FGD3: variants seen among roughly 807,000 people sequenced by gnomAD.
The protein encoded by FGD3 is FYVE, RhoGEF and PH domain containing 3.
Under a neutral mutation model 71.8 loss-of-function variants are expected in FGD3, and 45 were observed. The observed-to-expected ratio is 0.63, with a 90% CI of 0.49 to 0.80. FGD3 has a LOEUF of 0.80. Among genes scored for constraint, FGD3 ranks in the 30% least tolerant of loss-of-function variants. FGD3 has a pLI of 0.00. For synonymous variants in FGD3, 378 were observed against 392.8 expected (o/e 0.96, Z 0.44); for missense variants, 844 against 951.5 (o/e 0.89, Z 1.49).
chr9:92,971,582 T>A (rs1244133244), intron 1 of FGD3, among the ~76,000 whole-genome samples: 1 of 135,458 alleles, frequency 7.4e-6, no homozygotes, highest in African/African-American at 2.8e-5. Context: ...TTTTTTTTTT[T>A]TTTTTTTTTT....
chr9:93,034,678 C>T lies in FGD3; in HGVS notation c.1923C>T (p.Ser641=). 1 of 1,612,270 alleles carries T rather than the reference C, an allele frequency of 6.2e-7. No individual in the cohort carries two copies. Among genetic ancestry groups the T allele is most frequent in the Middle Eastern group, 1.7e-4 (1 of 6,048 alleles). Residue 641 remains serine, a synonymous_variant, in exon 17 of 18, where the codon AGC becomes AGT. Coordinates refer to ENST00000375482, the MANE Select transcript of FGD3 (RefSeq NM_001083536.2). ...DPQVLHLQGG[S]QDGRLPRTIP... ...AGGTGCTGCACCTGCAGGGAGGCAGCCAGGTACGTGTCCCCACCCCACCAG... is the reference window on the plus strand; with the variant it reads ...AGGTGCTGCACCTGCAGGGAGGCAGTCAGGTACGTGTCCCCACCCCACCAG...
Position 92,976,476 on chromosome 9 carries a change from C to A in FGD3, c.220C>A (p.Arg74=). ...ELSGSLKIPN[R]DSGIDSPSSS... ...GAGTGGTAGCTTAAAGATCCCCAAC[C>A]GGGACAGCGGGATCGACAGTCCCTC... The change falls in exon 3 of 18, where the codon CGG becomes AGG. Residue 74 remains arginine, a synonymous_variant. Transcript: ENST00000375482. 1.9e-6 allele frequency: 3 copies of A among 1,611,834 alleles called. No individual in the cohort carries two copies. Among genetic ancestry groups the A allele is most frequent in the Non-Finnish European group, 2.5e-6 (3 of 1,179,488 alleles).
chr9:93,018,442 C>T (rs1321965679), intron 11 of FGD3, among the ~76,000 whole-genome samples: 1 of 152,168 alleles, frequency 6.6e-6, no homozygotes, highest in Non-Finnish European at 1.5e-5. Flanking sequence ...GATGGGAACT[C>T]AGTCTCAAAT....
At chr9:92,998,917 G>A (rs975997679) in intron 3 of FGD3, among the ~76,000 whole-genome samples, 1 of 152,202 alleles carries the variant, frequency 6.6e-6, no homozygotes, top group African/African-American at 2.4e-5. Context: ...CTACTCGGGG[G>A]TCAGGGACCC....
intron 15 of FGD3, chr9:93,032,522 A>G (rs1862393687): frequency 4.2e-6 from 2 of 472,850 alleles, no homozygotes; most frequent in Non-Finnish European, 7.7e-6. Flanking sequence ...CACGCACACA[A>G]GACTCCTGGA....
At position 93,035,861 on chromosome 9, in the gene FGD3, C is replaced by A. The variant is rs1862581063; in HGVS notation, c.*272C>A. 1 of 459,052 alleles carries A rather than the reference C, an allele frequency of 2.2e-6. No individual in the cohort carries two copies. The highest frequency in any genetic ancestry group is 3.8e-6 in the Non-Finnish European group (1 of 260,094). 28.4% of individuals were successfully genotyped at this position (459,052 alleles called of 1,614,324 possible). A position where few individuals can be genotyped will look rare whatever the true frequency, so the allele number is the denominator to read the frequency against. Reference sequence around the variant, plus strand: ...GGCCGACTGCCAAAGTAACCATCATCCATATGGGCCGTGTGGTGATGCTGG... The same window carrying A: ...GGCCGACTGCCAAAGTAACCATCATACATATGGGCCGTGTGGTGATGCTGG... On this transcript the variant is annotated 3_prime_UTR_variant, in exon 18 of 18. Coordinates refer to ENST00000375482, the MANE Select transcript of FGD3 (RefSeq NM_001083536.2).
chr9:93,020,303 G>A lies in FGD3; in HGVS notation c.1387-14G>A. Reference sequence around the variant, plus strand: ...GCCCCTTTATAGTCCTCACTGTTGTGTTGCTGTGTCCAGATCATCCAGGCC... The same window carrying A: ...GCCCCTTTATAGTCCTCACTGTTGTATTGCTGTGTCCAGATCATCCAGGCC... On this transcript the variant is annotated splice_polypyrimidine_tract_variant and intron_variant, in intron 12 of 17. Transcript: ENST00000375482. 7.5e-6 allele frequency: 12 copies of A among 1,605,258 alleles called. No homozygotes were observed. The highest frequency in any genetic ancestry group is 1.0e-5 in the Non-Finnish European group (12 of 1,175,924).
At chr9:93,008,070 A>C (rs1281249822) in intron 6 of FGD3, among the ~76,000 whole-genome samples, 3 of 152,234 alleles carry the variant, frequency 2.0e-5, no homozygotes, top group Non-Finnish European at 4.4e-5. Context: ...AATAACTTTA[A>C]ACCTTTACAG....
rs577215749 is a variant in FGD3, at chr9:92,976,731, C to G, written c.453+22C>G. The G allele has an allele frequency of 1.8e-5, 28 of 1,538,422 alleles. No homozygotes were observed. In the Admixed American group the frequency reaches 5.6e-4, roughly 31 times the overall value. Reference sequence around the variant, plus strand: ...CCAGGTAGGCTTCCCCTTCTCTGTCCCCGCTGCGGGCTGCAGGCCTTTCCT... The same window carrying G: ...CCAGGTAGGCTTCCCCTTCTCTGTCGCCGCTGCGGGCTGCAGGCCTTTCCT... On this transcript the variant is annotated intron_variant, in intron 3 of 17. Coordinates refer to ENST00000375482, the MANE Select transcript of FGD3 (RefSeq NM_001083536.2).
intron 1 of FGD3, among the ~76,000 whole-genome samples, chr9:92,949,149 G>T (rs1289928979): frequency 6.6e-6 from 1 of 152,174 alleles, no homozygotes; most frequent in Non-Finnish European, 1.5e-5. Flanking sequence ...TCTGGGGGAG[G>T]TCAGAGCAGG....
intron 11 of FGD3, among the ~76,000 whole-genome samples, chr9:93,018,966 C>T (rs1861809793): frequency 6.6e-6 from 1 of 152,178 alleles, no homozygotes; most frequent in Non-Finnish European, 1.5e-5. Context: ...CTGCCTCAGC[C>T]TCCTGGGTAG....
intron 1 of FGD3, among the ~76,000 whole-genome samples, chr9:92,954,597 G>A (rs1037221794): frequency 9.9e-5 from 15 of 152,208 alleles, no homozygotes; most frequent in African/African-American, 3.6e-4. Flanking sequence ...GCAGGCCAGA[G>A]CTGCTCCTTC....
intron 2 of FGD3, among the ~76,000 whole-genome samples, chr9:92,975,807 C>T (rs1459347972): frequency 3.3e-5 from 5 of 152,222 alleles, no homozygotes; most frequent in Non-Finnish European, 7.4e-5. Context: ...AGGACACCGG[C>T]CTCATGTCCT....
At position 93,034,670 on chromosome 9, in the gene FGD3, G is replaced by A. The variant is rs767003486; in HGVS notation, c.1915G>A (p.Gly639Arg). ...AGATCCCCAGGTGCTGCACCTGCAG[G>A]GAGGCAGCCAGGTACGTGTCCCCAC... is the stretch of plus-strand genomic sequence containing the variant. ...MSDPQVLHLQ[G>R]GSQDGRLPRT... Residue 639 changes from glycine (G) to arginine (R), a missense_variant, in exon 17 of 18, where the codon GGA (glycine) becomes AGA (arginine). Transcript: ENST00000375482. The A allele has an allele frequency of 2.5e-6, 4 of 1,612,758 alleles. No homozygotes were observed. The highest frequency in any genetic ancestry group is 3.4e-6 in the Non-Finnish European group (4 of 1,179,584).
In FGD3 at chr9:93,030,818, G is replaced by C. The variant is rs535538169; in HGVS notation, c.1680+822G>C. On this transcript the variant is annotated intron_variant, in intron 15 of 17. Coordinates refer to ENST00000375482, the MANE Select transcript of FGD3 (RefSeq NM_001083536.2). ...AATGGATGAGTGGTTGGAGAGGTGG[G>C]TGTATCAATAGGTAGATGGATGCGT... Among the ~76,000 whole-genome samples the C allele has an allele frequency of 7.9e-5, 12 of 152,202 alleles. No homozygotes were observed. In the East Asian group the frequency reaches 2.3e-3, roughly 29 times the overall value.
intron 11 of FGD3, among the ~76,000 whole-genome samples, chr9:93,018,451 A>C (rs1394788850): frequency 6.6e-6 from 1 of 152,216 alleles, no homozygotes; most frequent in East Asian, 1.9e-4. Context: ...TCAGTCTCAA[A>C]TCCATCTCCC....
chr9:93,019,793 C>A, intron 11 of FGD3, 38 bp from the exon 12 acceptor site: 1 of 1,607,114 alleles, frequency 6.2e-7, no homozygotes, highest in South Asian at 1.1e-5. Flanking sequence ...AGTCAGTATC[C>A]AAGACTGGAT....
At chr9:92,988,699 T>G (rs530891219) in intron 3 of FGD3, among the ~76,000 whole-genome samples, 2 of 152,350 alleles carry the variant, frequency 1.3e-5, no homozygotes, top group Admixed American at 1.3e-4. Flanking sequence ...TAAACACATA[T>G]TTACCATAAA....
intron 1 of FGD3, chr9:92,974,462 G>A (rs965153455): frequency 6.6e-6 from 1 of 152,260 alleles, no homozygotes; most frequent in Non-Finnish European, 1.5e-5. Context: ...CACTCAAAAG[G>A]GGTTTTGCCC....
Sources: allele counts gnomAD v4.1 joint callset (sites outside exome capture counted in the v4.1 genomes callset), GRCh38; gene constraint gnomAD v4.1.1; transcripts MANE v1.5; gene names NCBI Gene and HGNC (gene_info 2026-07-23, HGNC 2026-07-21).